AHCYL2: variants seen among roughly 807,000 people sequenced by gnomAD.
The protein encoded by AHCYL2 is S-adenosylhomocysteine hydrolase-like protein 2.
A neutral mutation model predicts 81.4 loss-of-function variants in AHCYL2; 28 were observed. The ratio of observed to expected loss-of-function variants is 0.34; its 90% CI spans 0.25 to 0.47. The LOEUF is 0.47. Among genes scored for constraint, AHCYL2 ranks in the 20% least tolerant of loss-of-function variants. AHCYL2 has a pLI of 1.00. For missense variants in AHCYL2, 551 were observed against 785.1 expected, an observed-to-expected ratio of 0.70 and a Z score of 3.56; for synonymous variants, 272 against 290.2, an observed-to-expected ratio of 0.94 and a Z score of 0.64.
intron 1 of AHCYL2, among the ~76,000 whole-genome samples, chr7:129,281,082 C>G (rs1563179491): frequency 6.6e-6 from 1 of 151,928 alleles, no homozygotes; most frequent in Non-Finnish European, 1.5e-5. Context: ...CCAGGATGGT[C>G]TCGATCTCCT....
intron 12 of AHCYL2, among the ~76,000 whole-genome samples, chr7:129,421,861 G>A (rs148364940): frequency 1.5e-3 from 235 of 152,350 alleles, no homozygotes; most frequent in African/African-American, 5.5e-3. Flanking sequence ...GGAATCCACA[G>A]TCTTATCTAT....
At chr7:129,358,968 A>G (rs1793839149) in intron 1 of AHCYL2, among the ~76,000 whole-genome samples, 1 of 152,228 alleles carries the variant, frequency 6.6e-6, no homozygotes, top group African/African-American at 2.4e-5. Context: ...AGCTGAACAT[A>G]TGCATACTCC....
chr7:129,364,542 C>T (rs567745518), intron 1 of AHCYL2, among the ~76,000 whole-genome samples: 16 of 152,326 alleles, frequency 1.1e-4, no homozygotes, highest in Admixed American at 1.3e-4. Flanking sequence ...CTGCCCACCT[C>T]GGCCTCCCAA....
At chr7:129,393,992 A>C (rs558431481) in intron 4 of AHCYL2, among the ~76,000 whole-genome samples, 1 of 151,686 alleles carries the variant, frequency 6.6e-6, no homozygotes, top group Non-Finnish European at 1.5e-5. Flanking sequence ...TCAGTTCAGT[A>C]ATTTCTTTTT....
At chr7:129,238,647 T>C (rs1471395141) in intron 1 of AHCYL2, among the ~76,000 whole-genome samples, 1 of 152,104 alleles carries the variant, frequency 6.6e-6, no homozygotes, top group Non-Finnish European at 1.5e-5. Context: ...CCAAGAGGTT[T>C]CACCATGTGT....
rs370118875 is a variant in AHCYL2 at position 129,283,643 on chromosome 7, G to GTTT, written c.363+58208_363+58210dup. Among the ~76,000 whole-genome samples the GTTT allele has an allele frequency of 5.1e-3, 769 of 152,206 alleles. 10 individuals are homozygous for GTTT. The highest frequency in any genetic ancestry group is 0.018 in the African/African-American group (735 of 41,524). On this transcript the variant is annotated intron_variant, in intron 1 of 16. Coordinates refer to ENST00000325006, the MANE Select transcript of AHCYL2 (RefSeq NM_015328.4). Reference sequence around the variant, plus strand: ...GAGACTAAAGTTTTATATTTTAAGTGTTTTTTGGTATTTGCTTGTGCTTTG... The same window carrying GTTT: ...GAGACTAAAGTTTTATATTTTAAGTGTTTTTTTTTGGTATTTGCTTGTGCTTTG...
chr7:129,304,497 G>C (rs566038652), intron 1 of AHCYL2, among the ~76,000 whole-genome samples: 2 of 152,280 alleles, frequency 1.3e-5, no homozygotes, highest in Admixed American at 1.3e-4. Context: ...TCTCTAGCTA[G>C]CTATTGTTTT....
intron 1 of AHCYL2, among the ~76,000 whole-genome samples, chr7:129,338,827 T>C (rs1457110184): frequency 6.6e-6 from 1 of 152,234 alleles, no homozygotes; most frequent in Non-Finnish European, 1.5e-5. Context: ...TCATTTGTCT[T>C]TTGATTTTAA....
At chr7:129,367,860 T>G (rs901418708) in intron 1 of AHCYL2, among the ~76,000 whole-genome samples, 3 of 152,202 alleles carry the variant, frequency 2.0e-5, no homozygotes, top group African/African-American at 7.2e-5. Flanking sequence ...TCCCATGCAA[T>G]AAGACTCTAA....
At chr7:129,377,529 C>T (rs994780245) in intron 1 of AHCYL2, 6 of 456,490 alleles carry the variant, frequency 1.3e-5, no homozygotes, top group African/African-American at 1.2e-4. Flanking sequence ...TCATTAGTTA[C>T]CTCTAACTGC....
chr7:129,278,813 T>C (rs1796316487), intron 1 of AHCYL2, among the ~76,000 whole-genome samples: 1 of 146,924 alleles, frequency 6.8e-6, no homozygotes, highest in Admixed American at 6.9e-5. Flanking sequence ...TGCAGTATCA[T>C]TTGTTGGTAA....
intron 3 of AHCYL2, 136 bp from the exon 4 acceptor site, chr7:129,389,498 G>A (rs905665428): frequency 1.3e-6 from 1 of 767,308 alleles, no homozygotes; most frequent in Admixed American, 3.1e-5. Flanking sequence ...CAGGTTTAAT[G>A]TCTTGATCCC....
chr7:129,343,652 T>C (rs1793264225), intron 1 of AHCYL2, among the ~76,000 whole-genome samples: 1 of 152,194 alleles, frequency 6.6e-6, no homozygotes, highest in South Asian at 2.1e-4. Context: ...AAAGTGAACT[T>C]TGTTTCTGAT....
intron 7 of AHCYL2, among the ~76,000 whole-genome samples, chr7:129,403,723 G>A (rs1261431130): frequency 6.6e-6 from 1 of 151,682 alleles, no homozygotes; most frequent in African/African-American, 2.4e-5. Flanking sequence ...AATTAGCCTG[G>A]TGTGGTGGGC....
chr7:129,288,429 C>T lies in AHCYL2; in HGVS notation c.363+62990C>T, dbSNP rs141068941. Among the ~76,000 whole-genome samples, 523 of 152,054 alleles carry T rather than the reference C, an allele frequency of 3.4e-3. 1 individual carries two copies. The highest frequency in any genetic ancestry group is 0.012 in the African/African-American group (503 of 41,476). ...AGGCTGGAGTGCAGTGGCGTGATCT[C>T]GGCTCACTGCACCCTCCACCTTCTG... On this transcript the variant is annotated intron_variant, in intron 1 of 16. Coordinates refer to ENST00000325006, the MANE Select transcript of AHCYL2 (RefSeq NM_015328.4).
chr7:129,345,980 G>C (rs148678286), intron 1 of AHCYL2, among the ~76,000 whole-genome samples: 2 of 152,242 alleles, frequency 1.3e-5, no homozygotes, highest in African/African-American at 4.8e-5. Context: ...TAAGTATATA[G>C]ATCTGAGAGA....
intron 5 of AHCYL2, among the ~76,000 whole-genome samples, chr7:129,398,575 C>T (rs1795861324): frequency 6.7e-6 from 1 of 148,950 alleles, no homozygotes; most frequent in African/African-American, 2.5e-5. Context: ...GACGGGGTTT[C>T]ACCATGTTAG....
chr7:129,309,409 A>T (rs1010526168), intron 1 of AHCYL2, among the ~76,000 whole-genome samples: 1 of 151,918 alleles, frequency 6.6e-6, no homozygotes, highest in Non-Finnish European at 1.5e-5. Context: ...TGTGGTAGGT[A>T]CATGCCTGTA....
At chr7:129,243,518 A>T (rs985339133) in intron 1 of AHCYL2, among the ~76,000 whole-genome samples, 2 of 152,110 alleles carry the variant, frequency 1.3e-5, no homozygotes, top group Non-Finnish European at 2.9e-5. Context: ...TATTTTCAAT[A>T]TAGTCTTCTA....
Sources: allele counts gnomAD v4.1 joint callset (sites outside exome capture counted in the v4.1 genomes callset), GRCh38; gene constraint gnomAD v4.1.1; transcripts MANE v1.5; gene names NCBI Gene and HGNC (gene_info 2026-07-23, HGNC 2026-07-21).